SLC29A4: variants seen among roughly 807,000 people sequenced by gnomAD.
SLC29A4 encodes the protein solute carrier family 29 member 4, also known as equilibrative nucleoside transporter 4.
A neutral mutation model predicts 43.9 loss-of-function variants in SLC29A4; 36 were observed. The ratio of observed to expected loss-of-function variants is 0.82; its 90% CI spans 0.63 to 1.08. The LOEUF is 1.08. Ranked by LOEUF, SLC29A4 falls within the 50% of genes least tolerant of loss-of-function variation. The probability of loss-of-function intolerance (pLI) is 0.00; values close to 1 mark genes in which losing one functional copy is unlikely to be tolerated. For missense variants in SLC29A4, 869 were observed against 755.3 expected, an observed-to-expected ratio of 1.15 and a Z score of -1.77; for synonymous variants, 491 against 338.0, an observed-to-expected ratio of 1.45 and a Z score of -4.97.
chr7:5,293,162 C>CTTTTTTT (rs58758343), intron 5 of SLC29A4, among the ~76,000 whole-genome samples: 4 of 117,278 alleles, frequency 3.4e-5, no homozygotes, highest in Admixed American at 8.9e-5. Context: ...TTTTTTTTCT[C>CTTTTTTT]TTTTTTTTTT....
Position 5,291,816 on chromosome 7 carries a change from G to A in SLC29A4, c.539G>A (p.Cys180Tyr), listed in dbSNP as rs1272534303. Residue 180 changes from cysteine to tyrosine, a missense_variant, in exon 5 of 11, where the codon TGC becomes TAC. Coordinates refer to ENST00000396872, the MANE Select transcript of SLC29A4 (RefSeq NM_153247.4). Reference protein sequence around the residue: ...LAAVGTVAFGCTVQQSSFYGY... With the variant: ...LAAVGTVAFGYTVQQSSFYGY... ...GCTGTGGGCACCGTGGCCTTCGGCT[G>A]CACAGGTAGGAACCGGGGCCCAAGG... 6.2e-7 allele frequency: 1 copy of A among 1,611,460 alleles called. No homozygotes were observed. Among genetic ancestry groups the A allele is most frequent in the Admixed American group, 1.7e-5 (1 of 59,962 alleles).
chr7:5,287,466 C>T (rs1217961083), intron 1 of SLC29A4, among the ~76,000 whole-genome samples: 1 of 151,708 alleles, frequency 6.6e-6, no homozygotes, highest in Non-Finnish European at 1.5e-5. Context: ...CATTGCTTAT[C>T]TGCTTAAATT....
At position 5,294,955 on chromosome 7, in the gene SLC29A4, C is replaced by CG. The variant is rs775360682; in HGVS notation, c.619+25dup. ...GGAGAGTGAGTATCTGCAGACCCCCCGGGGAGGGGGTGCTGGGCTGCCCTG... is the reference window on the plus strand; with the variant it reads ...GGAGAGTGAGTATCTGCAGACCCCCCGGGGGAGGGGGTGCTGGGCTGCCCTG... On this transcript the variant is annotated intron_variant, in intron 6 of 10. Coordinates refer to ENST00000396872, the MANE Select transcript of SLC29A4 (RefSeq NM_153247.4). The CG allele has an allele frequency of 2.5e-6, 4 of 1,591,658 alleles. No individual in the cohort carries two copies. In the African/African-American group the frequency reaches 5.4e-5, roughly 22 times the overall value.
intron 7 of SLC29A4, 101 bp downstream of exon 7, chr7:5,297,299 C>A: frequency 4.5e-6 from 6 of 1,336,220 alleles, no homozygotes; most frequent in Non-Finnish European, 5.9e-6. Context: ...ACCTGCATCC[C>A]AGACTGTGGT....
In SLC29A4 at chr7:5,296,828, G is replaced by A; in HGVS notation, c.620-108G>A. The A allele has an allele frequency of 3.9e-6, 5 of 1,295,810 alleles. 1 individual carries two copies. The South Asian group carries it at 6.3e-5, about 16-fold the overall frequency. The allele number at this position is 1,295,810 out of a possible 1,614,324, so 80.3% of individuals were successfully genotyped here. A position where few individuals can be genotyped will look rare whatever the true frequency, so the allele number is the denominator to read the frequency against. On this transcript the variant is annotated intron_variant, in intron 6 of 10. Coordinates refer to ENST00000396872, the MANE Select transcript of SLC29A4 (RefSeq NM_153247.4). ...GGGTGGGGGCAGGGCCTGTGGTGGA[G>A]GGCGGGGCCGGTGGGGAGGGGTCTG...
intron 2 of SLC29A4, among the ~76,000 whole-genome samples, chr7:5,288,452 C>T (rs1162850307): frequency 6.6e-6 from 1 of 151,912 alleles, no homozygotes; most frequent in Non-Finnish European, 1.5e-5. Flanking sequence ...CGGCAGGTGC[C>T]TGCCACCGTG....
chr7:5,290,738 A>G lies in SLC29A4; in HGVS notation c.176A>G (p.Asp59Gly), dbSNP rs1034234545. 3 of 1,609,862 alleles carry G rather than the reference A, an allele frequency of 1.9e-6. No individual in the cohort carries two copies. The highest frequency in any genetic ancestry group is 2.7e-5 in the African/African-American group (2 of 74,838). ...GVPAFTDTTL[D>G]EPVPDDRYHA... Reference sequence around the variant, plus strand: ...CTGGTGTCTCTGGCTTTAGCATTGGACGAGCCAGTGCCCGATGACCGTTAT... The same window carrying G: ...CTGGTGTCTCTGGCTTTAGCATTGGGCGAGCCAGTGCCCGATGACCGTTAT... The change falls in exon 3 of 11, where the codon GAC becomes GGC. Residue 59 changes from aspartate to glycine, a missense_variant. By Grantham distance (94) the Asp-to-Gly change is moderately conservative. Transcript: ENST00000396872.
In SLC29A4 at chr7:5,306,810, CTT is replaced by C. The variant is rs1491353849; in HGVS notation, c.*3874_*3875del. The C allele has an allele frequency of 6.6e-6, 1 of 151,650 alleles. No individual in the cohort carries two copies. Among genetic ancestry groups the C allele is most frequent in the Non-Finnish European group, 1.5e-5 (1 of 67,906 alleles). The allele number at this position is 151,650 out of a possible 1,614,324, so 9.4% of individuals were successfully genotyped here. The stretch of plus-strand genomic sequence containing the variant: ...GACAATTTTATTTTTCCAATTAAAT[CTT>C]TTCTTTTTTTTTATGAAAAAAGATC... On this transcript the variant is annotated 3_prime_UTR_variant, in exon 11 of 11. Transcript: ENST00000396872.
At chr7:5,287,421 A>G (rs559113790) in intron 1 of SLC29A4, among the ~76,000 whole-genome samples, 280 of 135,200 alleles carry the variant, frequency 2.1e-3, no homozygotes, top group Middle Eastern at 3.7e-3. Flanking sequence ...CTGTCTGAAA[A>G]AAAAAAAAAA....
In SLC29A4 at chr7:5,300,532, G is replaced by A. The variant is rs777937193; in HGVS notation, c.1320G>A (p.Met440Ile). ...LFILCVYPSG[M>I]PALRHPAWPC... ...TCCTGTGCGTCTACCCCAGCGGCATGCCCGCCCTCCGTCACCCCGCCTGGC... is the reference window on the plus strand; with the variant it reads ...TCCTGTGCGTCTACCCCAGCGGCATACCCGCCCTCCGTCACCCCGCCTGGC... Residue 440 changes from methionine to isoleucine, a missense_variant, in exon 10 of 11, where the codon ATG becomes ATA. By Grantham distance (10) the Met-to-Ile change is conservative. Transcript: ENST00000396872. The A allele has an allele frequency of 2.5e-6, 4 of 1,612,142 alleles. No individual in the cohort carries two copies. In the African/African-American group the frequency reaches 5.3e-5, roughly 22 times the overall value.
At chr7:5,293,128 C>T (rs1370293755) in intron 5 of SLC29A4, among the ~76,000 whole-genome samples, 1 of 151,102 alleles carries the variant, frequency 6.6e-6, no homozygotes, top group Non-Finnish European at 1.5e-5. Context: ...TTGCAAGGGT[C>T]CAGGCCAGGC....
At chr7:5,284,862 C>T (rs966887596) in intron 1 of SLC29A4, among the ~76,000 whole-genome samples, 2 of 152,186 alleles carry the variant, frequency 1.3e-5, no homozygotes, top group African/African-American at 2.4e-5. Context: ...TCCTGGGTGG[C>T]GTGGCCTCCG....
At chr7:5,295,274 C>A (rs117964619) in intron 6 of SLC29A4, among the ~76,000 whole-genome samples, 9 of 151,962 alleles carry the variant, frequency 5.9e-5, no homozygotes, top group African/African-American at 9.7e-5. Flanking sequence ...AGGTGGGCCC[C>A]GTCCATGGCC....
Position 5,303,204 on chromosome 7 carries a change from A to T in SLC29A4, c.*265A>T, listed in dbSNP as rs1328359286. ...GGTCTCATACCTGCGTCTACCTTCCATCTGTGTCCAGCGGCCCCGGCTCCA... is the reference window on the plus strand; with the variant it reads ...GGTCTCATACCTGCGTCTACCTTCCTTCTGTGTCCAGCGGCCCCGGCTCCA... On this transcript the variant is annotated 3_prime_UTR_variant, in exon 11 of 11. Coordinates refer to ENST00000396872, the MANE Select transcript of SLC29A4 (RefSeq NM_153247.4). 1 of 545,080 alleles carries T rather than the reference A, an allele frequency of 1.8e-6. No homozygotes were observed. The highest frequency in any genetic ancestry group is 3.3e-6 in the Non-Finnish European group (1 of 305,710). 33.8% of individuals were successfully genotyped at this position (545,080 alleles called of 1,614,324 possible).
chr7:5,297,217 CCTCTGTTCCCTT>C lies in SLC29A4; in HGVS notation c.882+26_882+37del, dbSNP rs771221798. 1.3e-4 allele frequency: 204 copies of C among 1,547,638 alleles called. No homozygotes were observed. Among genetic ancestry groups the C allele is most frequent in the African/African-American group, 1.3e-3 (92 of 72,162 alleles). On this transcript the variant is annotated intron_variant, in intron 7 of 10. Transcript: ENST00000396872. The stretch of plus-strand genomic sequence containing the variant: ...CCACTTCGTAAGTGCGCACCGCCCA[CCTCTGTTCCCTT>C]CTCTGTCCCCTTCTCTGTCCCCACC...
At chr7:5,297,911 C>T (rs12674440) in intron 7 of SLC29A4, among the ~76,000 whole-genome samples, 27,436 of 152,122 alleles carry the variant, frequency 0.18, 3,275 homozygotes, top group East Asian at 0.54. Flanking sequence ...CCAGGAGGTG[C>T]CCTATCCCAC....
At chr7:5,286,970 G>A (rs1255567764) in intron 1 of SLC29A4, among the ~76,000 whole-genome samples, 4 of 152,192 alleles carry the variant, frequency 2.6e-5, no homozygotes, top group East Asian at 1.9e-4. Flanking sequence ...GCATCGTACC[G>A]CCAAAGTATT....
At chr7:5,290,946 G>C in intron 3 of SLC29A4, 83 bp downstream of exon 3, 2 of 1,553,002 alleles carry the variant, frequency 1.3e-6, no homozygotes, top group African/African-American at 2.7e-5. Context: ...GGCGGGGAGG[G>C]TCCTACACGG....
Position 5,300,572 on chromosome 7 carries a change from C to T in SLC29A4, c.1360C>T (p.Leu454=), listed in dbSNP as rs773261811. Reference sequence around the variant, plus strand: ...CCCCGCCTGGCCCTGCATCTTCTCACTGCTCATGGGCATCAGCAACGGCTA... The same window carrying T: ...CCCCGCCTGGCCCTGCATCTTCTCATTGCTCATGGGCATCAGCAACGGCTA... ...RHPAWPCIFS[L]LMGISNGYFG... Residue 454 remains leucine (L), a synonymous_variant, in exon 10 of 11, where the codon CTG becomes TTG. Transcript: ENST00000396872. 7 of 1,612,408 alleles carry T rather than the reference C, an allele frequency of 4.3e-6. No homozygotes were observed. The highest frequency in any genetic ancestry group is 5.9e-6 in the Non-Finnish European group (7 of 1,179,654).
Sources: gnomAD v4.1 joint callset for allele counts (sites outside exome capture counted in the v4.1 genomes callset) on GRCh38, gnomAD v4.1.1 for gene constraint, MANE v1.5 for transcripts, NCBI Gene and HGNC (gene_info 2026-07-23, HGNC 2026-07-21) for gene names.